PACS1: variants seen among roughly 807,000 people sequenced by gnomAD.
The protein encoded by PACS1 is phosphofurin acidic cluster sorting protein 1.
Under a neutral mutation model 115.0 loss-of-function variants are expected in PACS1, and 24 were observed. That is an observed-to-expected ratio of 0.21 (90% CI 0.15 to 0.29). The LOEUF (loss-of-function observed/expected upper bound fraction) is 0.29, where lower values mean the gene tolerates loss of function less well. Ranked by LOEUF, PACS1 falls within the 10% of genes least tolerant of loss-of-function variation. The probability of loss-of-function intolerance (pLI) is 1.00; values close to 1 mark genes in which losing one functional copy is unlikely to be tolerated. For synonymous variants in PACS1, 453 were observed against 504.5 expected, an observed-to-expected ratio of 0.90 and a Z score of 1.37; for missense variants, 838 against 1,251.2, an observed-to-expected ratio of 0.67 and a Z score of 4.98.
chr11:66,212,566 C>T (rs1026406761), intron 4 of PACS1, among the ~76,000 whole-genome samples: 15 of 151,964 alleles, frequency 9.9e-5, no homozygotes, highest in African/African-American at 3.1e-4. Flanking sequence ...CCTCTGTGCC[C>T]GGCCTGATAT....
chr11:66,194,026 C>G (rs888509445), intron 2 of PACS1, among the ~76,000 whole-genome samples: 1 of 152,182 alleles, frequency 6.6e-6, no homozygotes, highest in African/African-American at 2.4e-5. Flanking sequence ...TGCAGTGGCG[C>G]GATCTCGGCT....
chr11:66,153,150 C>T (rs1859281071), intron 1 of PACS1, among the ~76,000 whole-genome samples: 2 of 151,836 alleles, frequency 1.3e-5, no homozygotes, highest in South Asian at 4.1e-4. Flanking sequence ...ATGGGGGTCT[C>T]ACTATGTTGC....
At chr11:66,159,402 C>T (rs1859437904) in intron 1 of PACS1, among the ~76,000 whole-genome samples, 1 of 152,140 alleles carries the variant, frequency 6.6e-6, no homozygotes, top group Middle Eastern at 3.4e-3. Flanking sequence ...ACGCCATTGC[C>T]CTCCAGCCTG....
At chr11:66,116,650 T>A (rs906696151) in intron 1 of PACS1, among the ~76,000 whole-genome samples, 1 of 152,158 alleles carries the variant, frequency 6.6e-6, no homozygotes, top group African/African-American at 2.4e-5. Context: ...CCCAGCACTT[T>A]GGCTGAGGCA....
At chr11:66,188,447 AC>A (rs1441323396) in intron 1 of PACS1, among the ~76,000 whole-genome samples, 1 of 152,092 alleles carries the variant, frequency 6.6e-6, no homozygotes, top group Non-Finnish European at 1.5e-5. Context: ...TTCTCGAGTA[AC>A]TGTACCATTT....
At chr11:66,107,045 C>T (rs933986962) in intron 1 of PACS1, among the ~76,000 whole-genome samples, 1 of 152,128 alleles carries the variant, frequency 6.6e-6, no homozygotes, top group Non-Finnish European at 1.5e-5. Context: ...AATATTACCT[C>T]CCAGGTTTAG....
rs532251713 is a variant in PACS1 at position 66,122,571 on chromosome 11, G to A, written c.356+51729G>A. On this transcript the variant is annotated intron_variant, in intron 1 of 23. Transcript: ENST00000320580. ...ATTTTAGATGCCATTAAGAACATTT[G>A]TGGTTCATGGGAGGAGGTCAAAGTA... is the stretch of plus-strand genomic sequence containing the variant. 7.2e-5 allele frequency among the ~76,000 whole-genome samples: 11 copies of A among 152,318 alleles called. No individual in the cohort carries two copies. In the South Asian group the frequency reaches 2.3e-3, roughly 32 times the overall value.
chr11:66,165,083 A>C (rs938018976), intron 1 of PACS1, among the ~76,000 whole-genome samples: 2 of 152,154 alleles, frequency 1.3e-5, no homozygotes, highest in African/African-American at 4.8e-5. Context: ...TTGTCTTCCT[A>C]AGAAGGAAAG....
intron 4 of PACS1, among the ~76,000 whole-genome samples, chr11:66,212,298 ATT>A (rs763631322): frequency 2.8e-5 from 4 of 140,776 alleles, no homozygotes; most frequent in Admixed American, 7.1e-5. Context: ...TGCCCAGCTA[ATT>A]TTTTTTTTTT....
intron 1 of PACS1, among the ~76,000 whole-genome samples, chr11:66,104,904 G>A (rs911860506): frequency 1.6e-4 from 24 of 152,300 alleles, no homozygotes; most frequent in African/African-American, 5.5e-4. Flanking sequence ...CTGGATCAGT[G>A]CCAGACATTT....
intron 1 of PACS1, among the ~76,000 whole-genome samples, chr11:66,186,277 TAAAAAAA>T (rs1299093280): frequency 1.4e-5 from 2 of 139,580 alleles, no homozygotes; most frequent in African/African-American, 5.3e-5. Flanking sequence ...CCCTGTCTCT[TAAAAAAA>T]AAAAAAGCCA....
intron 1 of PACS1, among the ~76,000 whole-genome samples, chr11:66,171,841 A>G (rs145972470): frequency 0.018 from 2,653 of 147,966 alleles, 109 homozygotes; most frequent in African/African-American, 0.066. Flanking sequence ...GGCCTCCCAA[A>G]GTGCTGGGAT....
At chr11:66,114,467 A>G (rs934071422) in intron 1 of PACS1, among the ~76,000 whole-genome samples, 4 of 151,798 alleles carry the variant, frequency 2.6e-5, no homozygotes, top group Admixed American at 2.0e-4. Context: ...TTGTACTTAC[A>G]GGCCTATCTC....
intron 1 of PACS1, among the ~76,000 whole-genome samples, chr11:66,094,738 A>C (rs1383126786): frequency 6.6e-6 from 1 of 152,078 alleles, no homozygotes; most frequent in East Asian, 1.9e-4. Context: ...GCAGAGACAC[A>C]ACCAAAAAAG....
chr11:66,140,305 G>A (rs779438908), intron 1 of PACS1, among the ~76,000 whole-genome samples: 29 of 152,116 alleles, frequency 1.9e-4, no homozygotes, highest in Admixed American at 1.3e-3. Flanking sequence ...GCTCTAGTTC[G>A]GAACTTTTTC....
chr11:66,198,674 A>C (rs2177053), intron 2 of PACS1, among the ~76,000 whole-genome samples: 31,338 of 152,098 alleles, frequency 0.21, 3,318 homozygotes, highest in Middle Eastern at 0.28. Context: ...TCTGACACTG[A>C]CTGTGGTGAT....
At chr11:66,099,221 T>C (rs1857855970) in intron 1 of PACS1, among the ~76,000 whole-genome samples, 1 of 151,786 alleles carries the variant, frequency 6.6e-6, no homozygotes, top group Non-Finnish European at 1.5e-5. Flanking sequence ...TAGTTATTGA[T>C]TTATTTATTT....
Position 66,128,987 on chromosome 11 carries a change from A to T in PACS1, c.356+58145A>T, listed in dbSNP as rs116957363. Among the ~76,000 whole-genome samples the T allele has an allele frequency of 4.9e-4, 75 of 151,758 alleles. 2 individuals are homozygous for T. In the East Asian group the frequency reaches 0.013, roughly 27 times the overall value. ...GCGTGGCTGCAGAGGGGCACAAGGG[A>T]TCTTTTGGGGTGATGGGAATGATCT... On this transcript the variant is annotated intron_variant, in intron 1 of 23. Coordinates refer to ENST00000320580, the MANE Select transcript of PACS1 (RefSeq NM_018026.4).
At chr11:66,216,459 C>A in intron 5 of PACS1, 61 bp from the exon 6 acceptor site, 2 of 1,505,158 alleles carry the variant, frequency 1.3e-6, no homozygotes, top group Non-Finnish European at 1.8e-6. Flanking sequence ...TCCAGCCCAT[C>A]GAAGTTTCTT....
Sources: gnomAD v4.1 joint callset for allele counts (sites outside exome capture counted in the v4.1 genomes callset) on GRCh38, gnomAD v4.1.1 for gene constraint, MANE v1.5 for transcripts, NCBI Gene and HGNC (gene_info 2026-07-23, HGNC 2026-07-21) for gene names.